The following NYAP2 variants were observed in gnomAD, a reference collection of about 807,000 sequenced individuals.
The protein encoded by NYAP2 is neuronal tyrosine-phosphorylated phosphoinositide-3-kinase adaptor 2, also known as neuronal tyrosine-phosphorylated phosphoinositide-3-kinase adapter 2.
Under a neutral mutation model 50.4 loss-of-function variants are expected in NYAP2, and 23 were observed. That is an observed-to-expected ratio of 0.46 (90% confidence interval 0.33 to 0.65). The LOEUF is 0.65. NYAP2 is among the 30% of genes least tolerant of loss of function. The pLI, the probability that NYAP2 is intolerant of heterozygous loss-of-function variation, is 0.02. For missense variants in NYAP2, 885 were observed against 861.0 expected, an observed-to-expected ratio of 1.03 and a Z score of -0.35; for synonymous variants, 394 against 365.2, an observed-to-expected ratio of 1.08 and a Z score of -0.90.
chr2:225,651,507 G>A (rs1559241041), exon 7 of NYAP2: 1 of 1,613,960 alleles, frequency 6.2e-7, no homozygotes, highest in Non-Finnish European at 8.5e-7. Flanking sequence ...ACTCCCCTCA[G>A]GCAAAGCAGT....
At chr2:225,411,820 T>C (rs963876501) in intron 3 of NYAP2, among the ~76,000 whole-genome samples, 5 of 152,052 alleles carry the variant, frequency 3.3e-5, no homozygotes, top group African/African-American at 1.2e-4. Context: ...CATTGCTTTT[T>C]ACCACATTTG....
At chr2:225,631,709 A>G (rs189526470) in intron 6 of NYAP2, among the ~76,000 whole-genome samples, 1 of 152,242 alleles carries the variant, frequency 6.6e-6, no homozygotes. Context: ...CTGAAGAGAA[A>G]GAACCTAAAT....
chr2:225,530,181 AG>A (rs1559206011), intron 4 of NYAP2, among the ~76,000 whole-genome samples: 2 of 152,200 alleles, frequency 1.3e-5, no homozygotes, highest in African/African-American at 4.8e-5. Flanking sequence ...AGTAATGGAA[AG>A]AAATCTTTCT....
intron 5 of NYAP2, among the ~76,000 whole-genome samples, chr2:225,622,785 G>A (rs952007466): frequency 6.6e-6 from 1 of 151,394 alleles, no homozygotes; most frequent in African/African-American, 2.4e-5. Flanking sequence ...TCACCATGTT[G>A]GCCAGGCCAG....
intron 3 of NYAP2, among the ~76,000 whole-genome samples, chr2:225,475,187 T>C (rs1414637882): frequency 6.6e-6 from 1 of 152,236 alleles, no homozygotes; most frequent in Non-Finnish European, 1.5e-5. Context: ...TTTTGGAATA[T>C]ATCATCTGAA....
Position 225,592,886 on chromosome 2 carries a change from C to A in NYAP2, c.1618+9851C>A, listed in dbSNP as rs1419867476. Among the ~76,000 whole-genome samples, 4 of 152,254 alleles carry A rather than the reference C, an allele frequency of 2.6e-5. No homozygotes were observed. The East Asian group carries it at 5.8e-4, about 22-fold the overall frequency. On this transcript the variant is annotated intron_variant, in intron 5 of 6. Transcript: ENST00000636099. The stretch of plus-strand genomic sequence containing the variant: ...GCAATTCTCTCCATTAAGAAGAACC[C>A]TACCTGCTTTAGATGTATAAAATGC...
At chr2:225,663,369 GT>G in the NYAP2 span, among the ~76,000 whole-genome samples, 1 of 152,242 alleles carries the variant, frequency 6.6e-6, no homozygotes, top group East Asian at 1.9e-4. Context: ...TTGTAGTTGA[GT>G]TCCTCCATGC....
chr2:225,684,287 C>T, the NYAP2 span, among the ~76,000 whole-genome samples: 1 of 152,086 alleles, frequency 6.6e-6, no homozygotes, highest in African/African-American at 2.4e-5. Context: ...GCAACCGGCA[C>T]TTTGCTTCTG....
chr2:225,529,093 G>A (rs988377707), intron 4 of NYAP2, among the ~76,000 whole-genome samples: 6 of 152,132 alleles, frequency 3.9e-5, no homozygotes, highest in Non-Finnish European at 8.8e-5. Context: ...CTAAATTATT[G>A]AATTAATAAT....
intron 3 of NYAP2, among the ~76,000 whole-genome samples, chr2:225,425,949 G>T (rs1015443316): frequency 2.0e-5 from 3 of 151,874 alleles, no homozygotes; most frequent in African/African-American, 7.3e-5. Context: ...GAAAAAGAAA[G>T]AAATAAATGA....
chr2:225,438,757 T>C (rs932520569), intron 3 of NYAP2, among the ~76,000 whole-genome samples: 1 of 152,188 alleles, frequency 6.6e-6, no homozygotes, highest in Non-Finnish European at 1.5e-5. Flanking sequence ...AAAATTATGA[T>C]GGGGATGTAT....
intron 3 of NYAP2, among the ~76,000 whole-genome samples, chr2:225,472,867 G>T (rs1415032302): frequency 6.6e-6 from 1 of 151,946 alleles, no homozygotes; most frequent in African/African-American, 2.4e-5. Flanking sequence ...GTGCAGGTTT[G>T]TTACATATGT....
the NYAP2 span, among the ~76,000 whole-genome samples, chr2:225,695,663 T>G: frequency 6.6e-6 from 1 of 151,860 alleles, no homozygotes; most frequent in Admixed American, 6.6e-5. Flanking sequence ...CAATAAATTT[T>G]TCTTGCATTT....
intron 3 of NYAP2, among the ~76,000 whole-genome samples, chr2:225,442,053 G>A (rs1416449116): frequency 6.6e-6 from 1 of 152,116 alleles, no homozygotes; most frequent in African/African-American, 2.4e-5. Context: ...TCAAGTCTGT[G>A]GAAATAAAGT....
At chr2:225,462,400 C>G (rs1689848027) in intron 3 of NYAP2, among the ~76,000 whole-genome samples, 2 of 152,066 alleles carry the variant, frequency 1.3e-5, no homozygotes, top group East Asian at 3.9e-4. Context: ...CATCATCATT[C>G]CATCAAGACC....
At chr2:225,445,532 A>T (rs183243679) in intron 3 of NYAP2, among the ~76,000 whole-genome samples, 240 of 152,200 alleles carry the variant, frequency 1.6e-3, no homozygotes, top group African/African-American at 5.6e-3. Context: ...TTAATTGACC[A>T]CTTTTTATAC....
chr2:225,585,692 A>G (rs1303025237), intron 5 of NYAP2, among the ~76,000 whole-genome samples: 1 of 152,238 alleles, frequency 6.6e-6, no homozygotes, highest in Admixed American at 6.5e-5. Flanking sequence ...GGTAATACAA[A>G]TGAATAATCA....
intron 4 of NYAP2, among the ~76,000 whole-genome samples, chr2:225,558,809 C>T (rs982284628): frequency 8.5e-5 from 13 of 152,090 alleles, no homozygotes; most frequent in African/African-American, 3.1e-4. Context: ...CCAGACAGAG[C>T]CATTCTGTAA....
At position 225,641,064 on chromosome 2, in the gene NYAP2, A is replaced by T. The variant is rs76852676; in HGVS notation, c.1829-10368A>T. ...AATTCTGCTTGAGAACCACAATGAC[A>T]GTGTGCTGACTCCAGTTTTGACTGT... On this transcript the variant is annotated intron_variant, in intron 6 of 6. Coordinates refer to ENST00000636099, the Ensembl canonical transcript of NYAP2. Among the ~76,000 whole-genome samples, 402 of 152,130 alleles carry T rather than the reference A, an allele frequency of 2.6e-3. 1 individual carries two copies. The highest frequency in any genetic ancestry group is 9.3e-3 in the African/African-American group (388 of 41,518).
Sources: gnomAD v4.1 joint callset for allele counts (sites outside exome capture counted in the v4.1 genomes callset) on GRCh38, gnomAD v4.1.1 for gene constraint, MANE v1.5 for transcripts, NCBI Gene and HGNC (gene_info 2026-07-23, HGNC 2026-07-21) for gene names.